Variants in NRXN1 observed in about 807,000 individuals in gnomAD.
The protein encoded by NRXN1 is neurexin 1, also known as neurexin-1.
NRXN1 carries 39 observed loss-of-function variants against 150.9 expected under a neutral mutation model. The ratio of observed to expected loss-of-function variants is 0.26; its 90% CI spans 0.20 to 0.34. The LOEUF is 0.34. Ranked by LOEUF, NRXN1 falls within the 10% of genes least tolerant of loss-of-function variation. The pLI is 1.00. For missense variants in NRXN1, 1,815 were observed against 1,949.9 expected, an observed-to-expected ratio of 0.93 and a Z score of 1.30; for synonymous variants, 924 against 757.0, an observed-to-expected ratio of 1.22 and a Z score of -3.62.
intron 22 of NRXN1, among the ~76,000 whole-genome samples, chr2:49,928,507 G>C (rs1232789720): frequency 6.6e-6 from 1 of 151,996 alleles, no homozygotes; most frequent in Non-Finnish European, 1.5e-5. Flanking sequence ...GATTTATAGG[G>C]GGAAGATTTG....
At chr2:50,756,679 A>T (rs1701186964) in intron 5 of NRXN1, among the ~76,000 whole-genome samples, 1 of 151,844 alleles carries the variant, frequency 6.6e-6, no homozygotes, top group Non-Finnish European at 1.5e-5. Flanking sequence ...ATATTTACAT[A>T]CGGAATAGGT....
intron 2 of NRXN1, among the ~76,000 whole-genome samples, chr2:50,938,307 A>C (rs1476345193): frequency 6.6e-6 from 1 of 152,216 alleles, no homozygotes. Context: ...GGCATTTTTC[A>C]GGTCCATTAC....
At chr2:49,965,696 C>T (rs1045576795) in intron 21 of NRXN1, among the ~76,000 whole-genome samples, 1 of 152,160 alleles carries the variant, frequency 6.6e-6, no homozygotes, top group African/African-American at 2.4e-5. Context: ...CAGAGGATCT[C>T]ATTTGGCAGT....
intron 8 of NRXN1, among the ~76,000 whole-genome samples, chr2:50,602,420 A>G (rs1676428772): frequency 1.3e-5 from 2 of 151,564 alleles, no homozygotes; most frequent in African/African-American, 4.8e-5. Flanking sequence ...CAAGCTTCAT[A>G]GAGATCCTCT....
chr2:50,076,720 T>G (rs1337730704), intron 19 of NRXN1, among the ~76,000 whole-genome samples: 2 of 152,166 alleles, frequency 1.3e-5, no homozygotes, highest in Admixed American at 1.3e-4. Flanking sequence ...TTTTAGTCAT[T>G]AAGAGGAGTA....
intron 16 of NRXN1, among the ~76,000 whole-genome samples, chr2:50,466,043 G>C (rs2088802902): frequency 6.6e-6 from 1 of 151,492 alleles, no homozygotes; most frequent in Admixed American, 6.6e-5. Context: ...AGTTATGATT[G>C]CTGGGTGTTT....
At chr2:50,563,014 G>C (rs555812533) in intron 8 of NRXN1, among the ~76,000 whole-genome samples, 2 of 151,818 alleles carry the variant, frequency 1.3e-5, no homozygotes, top group East Asian at 3.9e-4. Context: ...ATGAAGATCC[G>C]TTAATAAATT....
intron 9 of NRXN1, among the ~76,000 whole-genome samples, chr2:50,551,011 G>GGAA (rs1667392336): frequency 8.4e-6 from 1 of 119,220 alleles, no homozygotes; most frequent in Non-Finnish European, 1.8e-5. Flanking sequence ...AAGAAGAGGA[G>GGAA]GAGGAAGAGG....
At chr2:50,573,703 G>C (rs1006400107) in intron 8 of NRXN1, among the ~76,000 whole-genome samples, 1 of 151,248 alleles carries the variant, frequency 6.6e-6, no homozygotes, top group African/African-American at 2.4e-5. Flanking sequence ...GAAAATCTGC[G>C]CTTATAGATT....
At chr2:50,514,906 A>G (rs1054744894) in intron 12 of NRXN1, among the ~76,000 whole-genome samples, 1 of 152,194 alleles carries the variant, frequency 6.6e-6, no homozygotes, top group African/African-American at 2.4e-5. Flanking sequence ...AAAAATACTA[A>G]TTCTCCTAAC....
chr2:49,946,719 A>G (rs1174322510), intron 21 of NRXN1, among the ~76,000 whole-genome samples: 5 of 152,170 alleles, frequency 3.3e-5, no homozygotes, highest in South Asian at 2.1e-4. Flanking sequence ...ACTACTTTAT[A>G]TTTCATATGG....
At chr2:50,187,963 T>A (rs1415870427) in intron 18 of NRXN1, among the ~76,000 whole-genome samples, 1 of 152,036 alleles carries the variant, frequency 6.6e-6, no homozygotes, top group African/African-American at 2.4e-5. Context: ...AGTTGCTTAT[T>A]AAGGAGATTT....
intron 8 of NRXN1, among the ~76,000 whole-genome samples, chr2:50,607,939 C>T (rs929017501): frequency 2.0e-5 from 3 of 151,828 alleles, no homozygotes; most frequent in Non-Finnish European, 4.4e-5. Flanking sequence ...TATAAGAGTC[C>T]TCATGGCTCA....
chr2:50,883,495 T>C (rs773697404), intron 5 of NRXN1, among the ~76,000 whole-genome samples: 36 of 151,514 alleles, frequency 2.4e-4, no homozygotes. Flanking sequence ...CTGGAAAATA[T>C]CTGTGAATGT....
At chr2:50,239,682 AT>A (rs2152883968) in intron 17 of NRXN1, among the ~76,000 whole-genome samples, 2 of 87,744 alleles carry the variant, frequency 2.3e-5, no homozygotes, top group South Asian at 6.2e-4. Flanking sequence ...ATATATATAT[AT>A]ATATATATAT....
chr2:50,074,276 T>C (rs1696729245), intron 19 of NRXN1, among the ~76,000 whole-genome samples: 1 of 152,126 alleles, frequency 6.6e-6, no homozygotes, highest in African/African-American at 2.4e-5. Context: ...ATGAAAAGTT[T>C]CCTTTTAGTA....
intron 17 of NRXN1, among the ~76,000 whole-genome samples, chr2:50,277,975 T>C (rs751406074): frequency 4.0e-5 from 6 of 151,668 alleles, no homozygotes; most frequent in Non-Finnish European, 8.8e-5. Flanking sequence ...GGTTATTTTA[T>C]GTAATCTACC....
At chr2:50,871,030 T>C (rs1047187057) in intron 5 of NRXN1, among the ~76,000 whole-genome samples, 2 of 152,088 alleles carry the variant, frequency 1.3e-5, no homozygotes, top group Admixed American at 6.6e-5. Flanking sequence ...TCACATTTTA[T>C]TGAAAAATTA....
chr2:50,084,513 A>C (rs1233001988), intron 19 of NRXN1, among the ~76,000 whole-genome samples: 1 of 152,116 alleles, frequency 6.6e-6, no homozygotes, highest in African/African-American at 2.4e-5. Context: ...TGCAGGGCCC[A>C]CCAAGCCCAC....
Sources: gnomAD v4.1 joint callset for allele counts (sites outside exome capture counted in the v4.1 genomes callset) on GRCh38, gnomAD v4.1.1 for gene constraint, MANE v1.5 for transcripts, NCBI Gene and HGNC (gene_info 2026-07-23, HGNC 2026-07-21) for gene names.